Variants in ZNF385D observed in about 807,000 individuals in gnomAD.
ZNF385D encodes the protein zinc finger protein 659.
A neutral mutation model predicts 35.8 loss-of-function variants in ZNF385D; 15 were observed. The ratio of observed to expected loss-of-function variants is 0.42; its 90% CI spans 0.28 to 0.64. ZNF385D has a LOEUF of 0.64. Among genes scored for constraint, ZNF385D ranks in the 30% least tolerant of loss-of-function variants. The pLI is 0.23. For missense variants in ZNF385D, 474 were observed against 494.6 expected (o/e 0.96, Z 0.39); for synonymous variants, 212 against 186.8 (o/e 1.13, Z -1.10).
intron 3 of ZNF385D, among the ~76,000 whole-genome samples, chr3:21,801,720 A>G (rs755218317): frequency 6.6e-6 from 1 of 152,154 alleles, no homozygotes; most frequent in Non-Finnish European, 1.5e-5. Context: ...CTGGGTGCCC[A>G]CAGAAACATC....
chr3:21,964,647 G>A (rs1702801155), intron 3 of ZNF385D, among the ~76,000 whole-genome samples: 2 of 151,582 alleles, frequency 1.3e-5, no homozygotes, highest in Admixed American at 1.3e-4. Flanking sequence ...CTGCCACCAT[G>A]CCCTGCTAAT....
chr3:21,818,221 C>G (rs1017973357), intron 3 of ZNF385D, among the ~76,000 whole-genome samples: 1 of 152,234 alleles, frequency 6.6e-6, no homozygotes, highest in East Asian at 1.9e-4. Flanking sequence ...AGGAGAAATA[C>G]CTAATGTAAA....
chr3:21,873,989 T>A (rs1471261579), intron 3 of ZNF385D, among the ~76,000 whole-genome samples: 2 of 151,766 alleles, frequency 1.3e-5, no homozygotes, highest in Non-Finnish European at 2.9e-5. Flanking sequence ...TTTCATTTTT[T>A]TTTTTGTATA....
At chr3:22,281,050 G>GTA (rs1252975166) in intron 2 of ZNF385D, among the ~76,000 whole-genome samples, 1 of 151,966 alleles carries the variant, frequency 6.6e-6, no homozygotes, top group Non-Finnish European at 1.5e-5. Context: ...GGTCACGGTT[G>GTA]TATAGTAGGG....
chr3:22,034,117 G>T (rs142265280), intron 3 of ZNF385D, among the ~76,000 whole-genome samples: 202 of 152,244 alleles, frequency 1.3e-3, no homozygotes, highest in African/African-American at 4.6e-3. Context: ...GAATGTTTGT[G>T]TTCCCCCCAA....
intron 3 of ZNF385D, among the ~76,000 whole-genome samples, chr3:21,905,734 A>G (rs1699653939): frequency 6.6e-6 from 1 of 151,472 alleles, no homozygotes; most frequent in African/African-American, 2.4e-5. Flanking sequence ...ACTTTTTACT[A>G]TTGATTAAAT....
chr3:21,454,998 G>C (rs539427193), intron 4 of ZNF385D, among the ~76,000 whole-genome samples: 26 of 152,132 alleles, frequency 1.7e-4, no homozygotes, highest in African/African-American at 5.1e-4. Context: ...GCTTCAAAGA[G>C]AATAAAATAC....
chr3:22,217,843 A>C (rs1323984746), intron 2 of ZNF385D, among the ~76,000 whole-genome samples: 2 of 152,000 alleles, frequency 1.3e-5, no homozygotes, highest in East Asian at 1.9e-4. Context: ...ATATTTCCTG[A>C]ATTTTTCTCC....
intron 3 of ZNF385D, among the ~76,000 whole-genome samples, chr3:22,131,312 T>C (rs1270197818): frequency 6.6e-6 from 1 of 151,930 alleles, no homozygotes; most frequent in African/African-American, 2.4e-5. Context: ...TTGGTGACCT[T>C]AAAAAGAAGA....
At chr3:22,317,280 CAAAAAA>C (rs59675675) in intron 2 of ZNF385D, among the ~76,000 whole-genome samples, 14 of 26,104 alleles carry the variant, frequency 5.4e-4, no homozygotes, top group East Asian at 9.4e-4. Context: ...ACTCCATCTC[CAAAAAA>C]AAAAAAAAAA....
intron 3 of ZNF385D, among the ~76,000 whole-genome samples, chr3:22,127,211 G>C (rs995561510): frequency 7.1e-6 from 1 of 140,454 alleles, no homozygotes; most frequent in Non-Finnish European, 1.6e-5. Context: ...CTGACATTTT[G>C]TTATTTCTTT....
At chr3:21,777,976 C>T (rs927775674) in intron 3 of ZNF385D, among the ~76,000 whole-genome samples, 2 of 151,816 alleles carry the variant, frequency 1.3e-5, no homozygotes, top group East Asian at 1.9e-4. Context: ...CTTGATCAAA[C>T]AGACCCCAGA....
In ZNF385D at chr3:21,727,561, T is replaced by G. The variant is rs545608287; in HGVS notation, c.22+23334A>C. On this transcript the variant is annotated intron_variant, in intron 1 of 7. Transcript: ENST00000281523. ...GACATTTATGCAGCCAAGAAACATA[T>G]GAAAAAATGCTCATCACTGGTCATT... Among the ~76,000 whole-genome samples, 6 of 152,182 alleles carry G rather than the reference T, an allele frequency of 3.9e-5. No homozygotes were observed. In the South Asian group the frequency reaches 8.3e-4, roughly 21 times the overall value.
rs575797877 is a variant in ZNF385D, at chr3:21,944,621, A to C, written c.325+224196T>G. ...TGCAGCTTTGCACATTGTATTTTCA[A>C]AGCAGTTCAGCTGAAGGGTGGGAGA... On this transcript the variant is annotated intron_variant, in intron 3 of 5. Coordinates refer to the ZNF385D transcript ENST00000494108. 1.2e-4 allele frequency among the ~76,000 whole-genome samples: 18 copies of C among 152,296 alleles called. 1 individual carries two copies. The South Asian group carries it at 3.3e-3, about 28-fold the overall frequency.
intron 2 of ZNF385D, among the ~76,000 whole-genome samples, chr3:21,639,745 C>T (rs1261505351): frequency 2.6e-5 from 4 of 151,864 alleles, no homozygotes; most frequent in Non-Finnish European, 4.4e-5. Context: ...ACATAAAAAC[C>T]AATTGTGTTA....
intron 2 of ZNF385D, among the ~76,000 whole-genome samples, chr3:21,565,795 A>ATAAG (rs550068759): frequency 5.6e-4 from 85 of 152,320 alleles, no homozygotes; most frequent in African/African-American, 2.0e-3. Context: ...AAAAGGACTT[A>ATAAG]TAAGTAAGTC....
At chr3:21,822,807 G>GA (rs955172437) in intron 3 of ZNF385D, among the ~76,000 whole-genome samples, 21 of 148,294 alleles carry the variant, frequency 1.4e-4, no homozygotes, top group East Asian at 3.9e-4. Context: ...AATGTTGAGT[G>GA]AAAAAAAAAC....
intron 3 of ZNF385D, among the ~76,000 whole-genome samples, chr3:21,790,067 A>G (rs751634064): frequency 6.6e-6 from 1 of 152,202 alleles, no homozygotes; most frequent in Non-Finnish European, 1.5e-5. Flanking sequence ...CATAGCACAT[A>G]TACTCTACAA....
chr3:22,047,752 G>C (rs1434093735), intron 3 of ZNF385D, among the ~76,000 whole-genome samples: 4 of 152,056 alleles, frequency 2.6e-5, no homozygotes, highest in African/African-American at 7.2e-5. Context: ...ATACTCTTTA[G>C]ATGTATACCC....
Sources: gnomAD v4.1 joint callset for allele counts (sites outside exome capture counted in the v4.1 genomes callset) on GRCh38, gnomAD v4.1.1 for gene constraint, MANE v1.5 for transcripts, NCBI Gene and HGNC (gene_info 2026-07-23, HGNC 2026-07-21) for gene names.